PGAP4: variants seen among roughly 807,000 people sequenced by gnomAD.
The protein encoded by PGAP4 is GPI-N-acetylgalactosamine transferase PGAP4.
In PGAP4, 12 loss-of-function variants were observed where a neutral mutation model predicts 28.2. That is an observed-to-expected ratio of 0.42 (90% CI 0.27 to 0.69). The LOEUF (loss-of-function observed/expected upper bound fraction) is 0.69, where lower values mean the gene tolerates loss of function less well. Ranked by LOEUF, PGAP4 falls within the 30% of genes least tolerant of loss-of-function variation. The pLI is 0.22. For synonymous variants in PGAP4, 205 were observed against 211.8 expected, an observed-to-expected ratio of 0.97 and a Z score of 0.28; for missense variants, 425 against 513.5, an observed-to-expected ratio of 0.83 and a Z score of 1.67.
At chr9:101,522,717 G>T (rs1255489111) in intron 2 of PGAP4, among the ~76,000 whole-genome samples, 1 of 152,144 alleles carries the variant, frequency 6.6e-6, no homozygotes, top group Non-Finnish European at 1.5e-5. Context: ...TTCAATGTTA[G>T]TATTGAAATG....
In PGAP4 at chr9:101,476,635, A is replaced by G; in HGVS notation, c.458T>C (p.Phe153Ser). ...LCNVERSVSH[F>S]DAKLLSKYVP... ...ATACTTGGAGAGCAACTTGGCATCA[A>G]AATGGCTCACACTACGCTCCACGTT... is the stretch of plus-strand genomic sequence containing the variant. Residue 153 changes from phenylalanine (F) to serine (S), a missense_variant, in exon 2 of 2, where the codon TTT becomes TCT. Coordinates refer to ENST00000374848, the MANE Select transcript of PGAP4 (RefSeq NM_032342.3). This position sits in a 1 kb window ranked among gnomAD's most constrained non-coding sequence, Gnocchi z 7.0. 1 of 1,614,186 alleles carries G rather than the reference A, an allele frequency of 6.2e-7. No individual in the cohort carries two copies. Among genetic ancestry groups the G allele is most frequent in the Non-Finnish European group, 8.5e-7 (1 of 1,180,042 alleles).
Position 101,533,371 on chromosome 9 carries a change from A to T in PGAP4, c.-1071T>A, listed in dbSNP as rs1176436408. 2.0e-5 allele frequency: 3 copies of T among 152,212 alleles called. No homozygotes were observed. In the East Asian group the frequency reaches 5.8e-4, roughly 29 times the overall value. 9.4% of individuals were successfully genotyped at this position (152,212 alleles called of 1,614,324 possible). ...ATACCGCTCCCTGTGCGGGGGAAAA[A>T]ATCCCCAACATCTGAAATTCCTCAA... On this transcript the variant is annotated 5_prime_UTR_variant, in exon 1 of 4. Transcript: ENST00000374851.
rs141758055 is a variant in PGAP4, at chr9:101,486,451, G to C, written c.-78+498C>G. ...AACCCAACACTGCTGCCGCGCTCTC[G>C]GCGCGCCCGGCGAACCTAAGGTGTG... On this transcript the variant is annotated intron_variant, in intron 1 of 1. Transcript: ENST00000374848. This position sits in a 1 kb window ranked among gnomAD's most constrained non-coding sequence, Gnocchi z 4.7. Among the ~76,000 whole-genome samples the C allele has an allele frequency of 0.011, 1,676 of 152,272 alleles. 8 individuals carry two copies. Among genetic ancestry groups the C allele is most frequent in the Non-Finnish European group, 0.016 (1,084 of 67,994 alleles).
chr9:101,492,284 C>T (rs1461891568), intron 2 of PGAP4, among the ~76,000 whole-genome samples: 1 of 151,950 alleles, frequency 6.6e-6, no homozygotes, highest in Admixed American at 6.6e-5. Flanking sequence ...ACCTCTGCCT[C>T]CCGGGTTCAA....
At chr9:101,523,638 T>A (rs1272950247) in intron 2 of PGAP4, among the ~76,000 whole-genome samples, 7 of 102,534 alleles carry the variant, frequency 6.8e-5, no homozygotes. Context: ...TTTTTTTTTT[T>A]TTTTTTTTTT....
intron 2 of PGAP4, among the ~76,000 whole-genome samples, chr9:101,493,030 G>A (rs573338404): frequency 5.9e-5 from 9 of 151,916 alleles, no homozygotes; most frequent in African/African-American, 1.2e-4. Flanking sequence ...CGAGGCGGGC[G>A]GATCACGAGA....
intron 2 of PGAP4, among the ~76,000 whole-genome samples, chr9:101,496,449 G>A (rs7031385): frequency 0.018 from 2,771 of 151,380 alleles, 73 homozygotes; most frequent in African/African-American, 0.064. Context: ...TTTAGTAAGA[G>A]CAAATTAATA....
At chr9:101,515,516 T>C (rs1327740268) in intron 2 of PGAP4, among the ~76,000 whole-genome samples, 2 of 152,200 alleles carry the variant, frequency 1.3e-5, no homozygotes, top group African/African-American at 4.8e-5. Context: ...GGTAAAAATG[T>C]TTCCAAGTAT....
At chr9:101,500,536 T>G (rs1272229304) in intron 2 of PGAP4, among the ~76,000 whole-genome samples, 6 of 151,934 alleles carry the variant, frequency 3.9e-5, no homozygotes, top group Non-Finnish European at 7.4e-5. Context: ...ACTTGTTTTT[T>G]TTTTTTTACT....
chr9:101,509,371 C>T (rs1826876445), intron 2 of PGAP4, among the ~76,000 whole-genome samples: 2 of 152,058 alleles, frequency 1.3e-5, no homozygotes, highest in South Asian at 2.1e-4. Flanking sequence ...TGTTGTTCTC[C>T]CCCAAAGTGA....
chr9:101,495,533 A>G (rs1279768300), intron 2 of PGAP4, among the ~76,000 whole-genome samples: 1 of 144,370 alleles, frequency 6.9e-6, no homozygotes, highest in African/African-American at 2.5e-5. Flanking sequence ...TTAGTCAGAA[A>G]GACCTAATTT....
intron 2 of PGAP4, among the ~76,000 whole-genome samples, chr9:101,511,845 A>G (rs1826901136): frequency 1.3e-5 from 2 of 152,136 alleles, no homozygotes; most frequent in Non-Finnish European, 2.9e-5. Context: ...TACTTGCTAT[A>G]GTCTGTATGT....
chr9:101,517,833 T>G (rs1826954751), intron 2 of PGAP4, among the ~76,000 whole-genome samples: 1 of 152,194 alleles, frequency 6.6e-6, no homozygotes, highest in South Asian at 2.1e-4. Context: ...GTTTGGGTTG[T>G]CTTTTAATAG....
chr9:101,503,527 A>G (rs1826821893), intron 2 of PGAP4, among the ~76,000 whole-genome samples: 1 of 152,066 alleles, frequency 6.6e-6, no homozygotes, highest in Non-Finnish European at 1.5e-5. Flanking sequence ...TTATAATTTT[A>G]TATGATTATT....
rs1247656667 is a variant in PGAP4, at chr9:101,476,568, A to G, written c.525T>C (p.Tyr175=). ...ANRYEGTEDD[Y]GDDPSTNSFE... is the part of the protein sequence containing the mutation. Reference sequence around the variant, plus strand: ...ACGAGTTGGTCGAAGGGTCATCACCATAATCATCCTCAGTGCCCTCATAGC... The same window carrying G: ...ACGAGTTGGTCGAAGGGTCATCACCGTAATCATCCTCAGTGCCCTCATAGC... Residue 175 remains tyrosine, a synonymous_variant, in exon 2 of 2, where the codon TAT becomes TAC. Coordinates refer to ENST00000374848, the MANE Select transcript of PGAP4 (RefSeq NM_032342.3). The surrounding 1 kb of genome is among the most constrained non-coding windows in gnomAD (Gnocchi z 7.0). 1.2e-6 allele frequency: 2 copies of G among 1,614,200 alleles called. No individual in the cohort carries two copies. The highest frequency in any genetic ancestry group is 2.2e-5 in the South Asian group (2 of 91,082).
intron 2 of PGAP4, among the ~76,000 whole-genome samples, chr9:101,527,419 G>A (rs144804403): frequency 1.5e-3 from 232 of 152,216 alleles, no homozygotes; most frequent in Non-Finnish European, 2.5e-3. Context: ...ACATGTCGTT[G>A]TTGGAGTCAA....
intron 2 of PGAP4, among the ~76,000 whole-genome samples, chr9:101,518,837 GA>G: frequency 6.6e-6 from 1 of 152,210 alleles, no homozygotes; most frequent in African/African-American, 2.4e-5. Context: ...CCAGTAATGG[GA>G]TTGCTGGATC....
chr9:101,505,955 C>A (rs778416577), intron 2 of PGAP4, among the ~76,000 whole-genome samples: 2 of 152,092 alleles, frequency 1.3e-5, no homozygotes, highest in Non-Finnish European at 2.9e-5. Context: ...ATTGATTTTG[C>A]AATTTCAGCA....
At chr9:101,484,320 C>T (rs1826562134) in intron 1 of PGAP4, among the ~76,000 whole-genome samples, 1 of 152,034 alleles carries the variant, frequency 6.6e-6, no homozygotes, top group South Asian at 2.1e-4. Context: ...AAAGGAAGAA[C>T]TGCAGGCAAA....
Sources: gnomAD v4.1 joint callset for allele counts (sites outside exome capture counted in the v4.1 genomes callset) on GRCh38, gnomAD v4.1.1 for gene constraint, Gnocchi (gnomAD v3.1) non-coding constraint, MANE v1.5 for transcripts, NCBI Gene and HGNC (gene_info 2026-07-23, HGNC 2026-07-21) for gene names.